Variants in ZNF280C observed in about 807,000 individuals in gnomAD.
ZNF280C encodes suppressor of hairy wing homolog 3.
ZNF280C carries 14 observed loss-of-function variants against 53.6 expected under a neutral mutation model. That is an observed-to-expected ratio of 0.26 (90% CI 0.17 to 0.41). The LOEUF (loss-of-function observed/expected upper bound fraction) is 0.41. Ranked by LOEUF, ZNF280C falls within the 10% of genes least tolerant of loss-of-function variation. The probability of loss-of-function intolerance (pLI) is 1.00; values close to 1 mark genes in which losing one functional copy is unlikely to be tolerated. For missense variants in ZNF280C, 416 were observed against 547.1 expected (o/e 0.76, Z 2.39); for synonymous variants, 203 against 181.1 (o/e 1.12, Z -0.97).
rs1305923383 is a variant in ZNF280C at position 130,248,487 on chromosome X, GT to G, written c.32-1483del. ...AGCCAGAGTGGAGCCCAGAGGGTTTGTTGCAGGAACATCTGTATTCAAGCAC... is the reference window on the plus strand; with the variant it reads ...AGCCAGAGTGGAGCCCAGAGGGTTTGTGCAGGAACATCTGTATTCAAGCAC... On this transcript the variant is annotated intron_variant, in intron 2 of 18. Transcript: ENST00000370978. Among the ~76,000 whole-genome samples the G allele has an allele frequency of 1.7e-4, 19 of 111,533 alleles. No homozygotes were observed. In the Admixed American group the frequency reaches 1.8e-3, roughly 11 times the overall value.
intron 8 of ZNF280C, among the ~76,000 whole-genome samples, chrX:130,232,308 T>TG (rs112548404): frequency 0.53 from 54,314 of 102,687 alleles, 12,674 homozygotes; most frequent in African/African-American, 0.84. Flanking sequence ...CTGATCCTAA[T>TG]TGGAATACTT....
At chrX:130,239,552 T>A in intron 6 of ZNF280C, 30 bp downstream of exon 6, 1 of 917,854 alleles carries the variant, frequency 1.1e-6, no homozygotes, top group Non-Finnish European at 1.6e-6. Context: ...TCTCTTTTTA[T>A]AATTTTTATG....
chrX:130,267,029 A>C (rs1463678632), intron 1 of ZNF280C, among the ~76,000 whole-genome samples: 1 of 108,518 alleles, frequency 9.2e-6, no homozygotes, highest in African/African-American at 3.4e-5. Context: ...TGAACCCGGG[A>C]GGCAGAGGTT....
rs910034935 is a variant in ZNF280C at position 130,203,033 on chromosome X, T to C, written c.*1944A>G. The C allele has an allele frequency of 4.5e-5, 5 of 111,748 alleles. No individual in the cohort carries two copies. The highest frequency in any genetic ancestry group is 9.6e-5 in the Admixed American group (1 of 10,419). 9.2% of individuals were successfully genotyped at this position (111,748 alleles called of 1,213,427 possible). ...AGAAGAGTTTTGCCAATTCTTTATGTCTTTGAAATCAGAATCCCTAAGCTA... is the reference window on the plus strand; with the variant it reads ...AGAAGAGTTTTGCCAATTCTTTATGCCTTTGAAATCAGAATCCCTAAGCTA... On this transcript the variant is annotated 3_prime_UTR_variant, in exon 19 of 19. Coordinates refer to ENST00000370978, the MANE Select transcript of ZNF280C (RefSeq NM_017666.5).
chrX:130,238,970 A>G lies in ZNF280C; in HGVS notation c.493+612T>C, dbSNP rs1235965559. ...TGAGACAAAATTCCTTTATTGGCAT[A>G]CTATTTTAGGTTAATGAAGAACTTT... On this transcript the variant is annotated intron_variant, in intron 6 of 18. Coordinates refer to ENST00000370978, the MANE Select transcript of ZNF280C (RefSeq NM_017666.5). 4.5e-5 allele frequency among the ~76,000 whole-genome samples: 5 copies of G among 111,433 alleles called. No homozygotes were observed. The Admixed American group carries it at 4.8e-4, about 11-fold the overall frequency.
Position 130,239,662 on chromosome X carries a change from T to C in ZNF280C, c.413A>G (p.Asp138Gly). ...DFTKNSQVGS[D>G]NSSILLFDST... is the part of the protein sequence containing the mutation. ...GTCAAACAGTAAAATTGAAGAATTA[T>C]CCGATCCAACTTGTGAATTCTTTGT... The change falls in exon 6 of 19, where the codon GAT (aspartate) becomes GGT (glycine). Residue 138 changes from aspartate (D) to glycine (G), a missense_variant. Transcript: ENST00000370978. The C allele has an allele frequency of 2.5e-6, 3 of 1,195,872 alleles. No individual in the cohort carries two copies. Among genetic ancestry groups the C allele is most frequent in the Non-Finnish European group, 3.4e-6 (3 of 882,163 alleles).
At chrX:130,251,282 C>CAAAAAAAAGA (rs2032505039) in intron 2 of ZNF280C, among the ~76,000 whole-genome samples, 1 of 15,357 alleles carries the variant, frequency 6.5e-5, no homozygotes, top group Non-Finnish European at 9.9e-5. Flanking sequence ...GGACCTGTCT[C>CAAAAAAAAGA]AAAAAAAAAA....
In ZNF280C at chrX:130,205,161, C is replaced by CA; in HGVS notation, c.2162-9dup. The CA allele has an allele frequency of 8.3e-7, 1 of 1,197,975 alleles. No individual in the cohort carries two copies. Among genetic ancestry groups the CA allele is most frequent in the Non-Finnish European group, 1.1e-6 (1 of 887,162 alleles). On this transcript the variant is annotated splice_polypyrimidine_tract_variant and intron_variant, in intron 17 of 18. Transcript: ENST00000370978. ...TTGAGGTACTTTTGGAAACTGAAAT[C>CA]AAAAGAGTTTTACATTTACAATAGC...
At chrX:130,256,315 G>A (rs1394192714) in intron 2 of ZNF280C, among the ~76,000 whole-genome samples, 1 of 111,687 alleles carries the variant, frequency 9.0e-6, no homozygotes, top group Non-Finnish European at 1.9e-5. Context: ...GAGCTGTGCA[G>A]GAGAATACCA....
chrX:130,224,089 T>A lies in ZNF280C; in HGVS notation c.1395+2670A>T, dbSNP rs898468706. ...GCCTGTGTCCCCTCCGCCCCCCAAT[T>A]CATATGGCGAAATCCTAATTTTCAA... On this transcript the variant is annotated intron_variant, in intron 12 of 18. Coordinates refer to ENST00000370978, the MANE Select transcript of ZNF280C (RefSeq NM_017666.5). Among the ~76,000 whole-genome samples, 3 of 111,697 alleles carry A rather than the reference T, an allele frequency of 2.7e-5. No individual in the cohort carries two copies. The South Asian group carries it at 1.1e-3, about 42-fold the overall frequency.
chrX:130,228,833 A>G (rs1391694022), intron 10 of ZNF280C, 144 bp downstream of exon 10: 4 of 586,150 alleles, frequency 6.8e-6, no homozygotes, highest in Non-Finnish European at 1.0e-5. Flanking sequence ...TAGGTTTATA[A>G]AAGTTATGAT....
Position 130,220,399 on chromosome X carries a change from G to A in ZNF280C, c.1477C>T (p.Arg493Cys). The A allele has an allele frequency of 1.7e-6, 2 of 1,195,180 alleles. No individual in the cohort carries two copies. The highest frequency in any genetic ancestry group is 1.9e-5 in the South Asian group (1 of 52,878). Reference protein sequence around the residue: ...KEKAEHKAQHRTFIKPKELEG... With the variant: ...KEKAEHKAQHCTFIKPKELEG... ...AGTTCTTTAGGCTTTATAAATGTAC[G>A]ATGCTGCGCCTTATGTTCAGCTTTC... Residue 493 changes from arginine to cysteine, a missense_variant, in exon 13 of 19, where the codon CGT (arginine) becomes TGT (cysteine). Physicochemically the swap from Arg to Cys is radical, Grantham distance 180. Coordinates refer to ENST00000370978, the MANE Select transcript of ZNF280C (RefSeq NM_017666.5).
At chrX:130,233,914 A>G (rs956551469) in intron 8 of ZNF280C, among the ~76,000 whole-genome samples, 57 of 110,843 alleles carry the variant, frequency 5.1e-4, no homozygotes, top group Non-Finnish European at 9.1e-4. Context: ...AGACAAGACT[A>G]CACACTAAAA....
chrX:130,255,326 G>C (rs1361473139), intron 2 of ZNF280C, among the ~76,000 whole-genome samples: 1 of 103,818 alleles, frequency 9.6e-6, no homozygotes, highest in Non-Finnish European at 2.0e-5. Context: ...ATTTTTAGTA[G>C]AGACGGGGTT....
chrX:130,236,758 C>A, intron 6 of ZNF280C, 119 bp from the exon 7 acceptor site: 1 of 420,558 alleles, frequency 2.4e-6, no homozygotes, highest in Non-Finnish European at 3.9e-6. Context: ...CAGTTTGGAA[C>A]TAAGTTAAAG....
At chrX:130,232,666 A>G (rs1283193366) in intron 8 of ZNF280C, among the ~76,000 whole-genome samples, 1 of 112,246 alleles carries the variant, frequency 8.9e-6, no homozygotes, top group Non-Finnish European at 1.9e-5. Flanking sequence ...TAGAACAGCT[A>G]TATCAAAAAG....
chrX:130,250,381 G>T (rs1415166059), intron 2 of ZNF280C, among the ~76,000 whole-genome samples: 1 of 110,897 alleles, frequency 9.0e-6, no homozygotes, highest in East Asian at 2.8e-4. Context: ...AATAAAATAG[G>T]CCACTAGCTA....
In ZNF280C at chrX:130,214,820, A is replaced by T. The variant is rs186410522; in HGVS notation, c.1979+373T>A. Among the ~76,000 whole-genome samples, 4 of 112,233 alleles carry T rather than the reference A, an allele frequency of 3.6e-5. No homozygotes were observed. In the Admixed American group the frequency reaches 3.8e-4, roughly 11 times the overall value. The stretch of plus-strand genomic sequence containing the variant: ...AAACACTTTTATCTACAGTTGGTTG[A>T]ATCCACAGATGTGGAATGCAAGAGC... On this transcript the variant is annotated intron_variant, in intron 15 of 18. Coordinates refer to ENST00000370978, the MANE Select transcript of ZNF280C (RefSeq NM_017666.5).
At chrX:130,263,063 C>T (rs1027417427) in intron 1 of ZNF280C, among the ~76,000 whole-genome samples, 1 of 112,267 alleles carries the variant, frequency 8.9e-6, no homozygotes, top group African/African-American at 3.2e-5. Context: ...CAGATAATCA[C>T]AAGTGTTGGC....
Sources: allele counts gnomAD v4.1 joint callset (sites outside exome capture counted in the v4.1 genomes callset), GRCh38; gene constraint gnomAD v4.1.1; transcripts MANE v1.5; gene names NCBI Gene and HGNC (gene_info 2026-07-23, HGNC 2026-07-21).